SLIT2: variants seen among roughly 807,000 people sequenced by gnomAD.
SLIT2 encodes slit guidance ligand 2.
SLIT2 carries 41 observed loss-of-function variants against 185.7 expected under a neutral mutation model. The ratio of observed to expected loss-of-function variants is 0.22; its 90% CI spans 0.17 to 0.29. The LOEUF is 0.29. Among genes scored for constraint, SLIT2 ranks in the 10% least tolerant of loss-of-function variants. The pLI is 1.00. For synonymous variants in SLIT2, 693 were observed against 680.2 expected, an observed-to-expected ratio of 1.02 and a Z score of -0.29; for missense variants, 1,571 against 1,909.0, an observed-to-expected ratio of 0.82 and a Z score of 3.30.
At chr4:20,411,169 T>C (rs1727230723) in intron 4 of SLIT2, among the ~76,000 whole-genome samples, 1 of 152,218 alleles carries the variant, frequency 6.6e-6, no homozygotes, top group Admixed American at 6.5e-5. Context: ...TTATTCTTTT[T>C]GTGAAAAAGC....
Position 20,298,799 on chromosome 4 carries a change from C to G in SLIT2, c.395+29918C>G, listed in dbSNP as rs190774926. Among the ~76,000 whole-genome samples the G allele has an allele frequency of 3.3e-5, 5 of 152,158 alleles. No homozygotes were observed. In the East Asian group the frequency reaches 9.6e-4, roughly 29 times the overall value. On this transcript the variant is annotated intron_variant, in intron 4 of 36. Transcript: ENST00000504154. ...TTTTAATTTATTTCTTTGTTTTCCCCTTCACAATGTCTTATTTCAATAAAA... is the reference window on the plus strand; with the variant it reads ...TTTTAATTTATTTCTTTGTTTTCCCGTTCACAATGTCTTATTTCAATAAAA...
At chr4:20,443,061 C>T (rs1211467679) in intron 4 of SLIT2, among the ~76,000 whole-genome samples, 1 of 152,108 alleles carries the variant, frequency 6.6e-6, no homozygotes, top group Non-Finnish European at 1.5e-5. Context: ...TAGGTCATAT[C>T]ATGCCTGGGA....
At chr4:20,571,293 C>T (rs181810415) in intron 29 of SLIT2, among the ~76,000 whole-genome samples, 10 of 152,108 alleles carry the variant, frequency 6.6e-5, no homozygotes, top group African/African-American at 2.4e-4. Flanking sequence ...AAAGAATCAA[C>T]AAAAATACTA....
At position 20,589,774 on chromosome 4, in the gene SLIT2, T is replaced by C. The variant is rs777257533; in HGVS notation, c.3182+37T>C. 14 of 1,479,420 alleles carry C rather than the reference T, an allele frequency of 9.5e-6. No individual in the cohort carries two copies. The East Asian group carries it at 1.4e-4, about 14-fold the overall frequency. 91.6% of individuals were successfully genotyped at this position (1,479,420 alleles called of 1,614,324 possible). ...GCTACCTTTTTGCTCACAGTCAGGGTAGGGGACCCATTATTTTAGGAGCCC... is the reference window on the plus strand; with the variant it reads ...GCTACCTTTTTGCTCACAGTCAGGGCAGGGGACCCATTATTTTAGGAGCCC... On this transcript the variant is annotated intron_variant, in intron 30 of 36. Transcript: ENST00000504154.
At chr4:20,368,235 GAAA>G (rs942235918) in intron 4 of SLIT2, among the ~76,000 whole-genome samples, 1 of 105,478 alleles carries the variant, frequency 9.5e-6, no homozygotes, top group African/African-American at 3.6e-5. Flanking sequence ...AAAAAAAAAA[GAAA>G]AAAAAGAAAG....
chr4:20,358,430 C>T (rs190974752), intron 4 of SLIT2, among the ~76,000 whole-genome samples: 1 of 152,264 alleles, frequency 6.6e-6, no homozygotes, highest in African/African-American at 2.4e-5. Context: ...TTCTTACTCA[C>T]ATCAGGCACG....
chr4:20,295,891 C>T (rs774140728), intron 4 of SLIT2, among the ~76,000 whole-genome samples: 4 of 152,214 alleles, frequency 2.6e-5, no homozygotes, highest in African/African-American at 4.8e-5. Flanking sequence ...TAAAGTGTTA[C>T]TAGCATCACA....
intron 4 of SLIT2, among the ~76,000 whole-genome samples, chr4:20,281,375 T>A (rs1211381572): frequency 6.6e-6 from 1 of 152,082 alleles, no homozygotes; most frequent in South Asian, 2.1e-4. Context: ...GCGTTATAAT[T>A]TTTTTTGTAA....
intron 33 of SLIT2, among the ~76,000 whole-genome samples, chr4:20,600,615 G>T (rs907524914): frequency 6.6e-6 from 1 of 151,570 alleles, no homozygotes. Flanking sequence ...TAGTAAAGAC[G>T]TGGTTTCACC....
intron 30 of SLIT2, among the ~76,000 whole-genome samples, chr4:20,594,254 T>TACATAC (rs1727782633): frequency 6.7e-6 from 1 of 148,258 alleles, no homozygotes; most frequent in African/African-American, 2.5e-5. Flanking sequence ...CATATACATA[T>TACATAC]ACATACACGC....
intron 16 of SLIT2, among the ~76,000 whole-genome samples, chr4:20,530,898 T>C (rs546348888): frequency 5.3e-5 from 8 of 151,672 alleles, no homozygotes; most frequent in Non-Finnish European, 1.2e-4. Flanking sequence ...CTCAATATCA[T>C]TAGTTATTAG....
chr4:20,472,297 T>C (rs368405967), intron 5 of SLIT2, among the ~76,000 whole-genome samples: 3,902 of 27,696 alleles, frequency 0.14, 911 homozygotes, highest in Middle Eastern at 0.42. Context: ...GATATATAGA[T>C]ATATAGATCT....
At chr4:20,598,475 G>T in intron 33 of SLIT2, 80 bp downstream of exon 33, 1 of 1,512,792 alleles carries the variant, frequency 6.6e-7, no homozygotes, top group African/African-American at 1.4e-5. Flanking sequence ...TTTTATTATG[G>T]AGAGGAGAGA....
chr4:20,468,522 T>A (rs1158993496), intron 5 of SLIT2, among the ~76,000 whole-genome samples: 1 of 151,670 alleles, frequency 6.6e-6, no homozygotes, highest in Non-Finnish European at 1.5e-5. Flanking sequence ...TAGTCTGGTG[T>A]TTCAATTATA....
intron 33 of SLIT2, 80 bp from the exon 34 acceptor site, chr4:20,609,933 C>T (rs2148979222): frequency 2.2e-6 from 3 of 1,335,774 alleles, no homozygotes; most frequent in East Asian, 2.4e-5. Context: ...CCAAGGAGCA[C>T]TTATCAAAGT....
chr4:20,266,170 A>C (rs899047484), intron 3 of SLIT2, among the ~76,000 whole-genome samples: 2 of 152,018 alleles, frequency 1.3e-5, no homozygotes, highest in African/African-American at 4.8e-5. Flanking sequence ...TAAGAAAGGG[A>C]TAATAATTAA....
intron 29 of SLIT2, among the ~76,000 whole-genome samples, chr4:20,581,745 C>G (rs1319759847): frequency 1.3e-5 from 2 of 152,088 alleles, no homozygotes; most frequent in Non-Finnish European, 2.9e-5. Flanking sequence ...TTCTCTCTTT[C>G]TCTCTCTTTC....
intron 3 of SLIT2, among the ~76,000 whole-genome samples, chr4:20,267,125 T>C (rs910195114): frequency 9.9e-5 from 15 of 151,968 alleles, no homozygotes; most frequent in African/African-American, 3.6e-4. Flanking sequence ...ATGTGTAATA[T>C]ATTTTTAGAG....
intron 9 of SLIT2, among the ~76,000 whole-genome samples, chr4:20,494,777 C>CAA (rs529308309): frequency 6.6e-4 from 65 of 98,390 alleles, no homozygotes; most frequent in South Asian, 2.8e-3. Context: ...GACTCCGTCT[C>CAA]AAAAAAAAAA....
Sources: allele counts gnomAD v4.1 joint callset (sites outside exome capture counted in the v4.1 genomes callset), GRCh38; gene constraint gnomAD v4.1.1; transcripts MANE v1.5; gene names NCBI Gene and HGNC (gene_info 2026-07-23, HGNC 2026-07-21).